The following COL11A1 variants were observed in gnomAD, a reference collection of about 807,000 sequenced individuals.
The protein encoded by COL11A1 is collagen type XI alpha 1 chain.
Under a neutral mutation model 265.2 loss-of-function variants are expected in COL11A1, and 74 were observed. The ratio of observed to expected loss-of-function variants is 0.28; its 90% confidence interval spans 0.23 to 0.34. The LOEUF (loss-of-function observed/expected upper bound fraction) is 0.34, where lower values mean the gene tolerates loss of function less well. Ranked by LOEUF, COL11A1 falls within the 10% of genes least tolerant of loss-of-function variation. COL11A1 has a pLI of 1.00. For synonymous variants in COL11A1, 816 were observed against 727.6 expected, an observed-to-expected ratio of 1.12 and a Z score of -1.96; for missense variants, 2,165 against 2,263.6, an observed-to-expected ratio of 0.96 and a Z score of 0.88.
chr1:102,926,846 T>G (rs1183278815), intron 46 of COL11A1, among the ~76,000 whole-genome samples: 1 of 152,172 alleles, frequency 6.6e-6, no homozygotes. Context: ...TTTTCAAATA[T>G]GTATGCTTCA....
intron 35 of COL11A1, 99 bp from the exon 36 acceptor site, chr1:102,974,982 A>G (rs1407201511): frequency 1.0e-5 from 9 of 861,018 alleles, no homozygotes; most frequent in Middle Eastern, 2.3e-4. Context: ...ACAATGTATC[A>G]TACAGCTTCT....
chr1:102,889,671 G>T, intron 58 of COL11A1, 109 bp from the exon 59 acceptor site: 1 of 807,972 alleles, frequency 1.2e-6, no homozygotes, highest in Non-Finnish European at 2.1e-6. Context: ...AATGAACAAT[G>T]CTGATAAAAC....
chr1:103,025,547 G>A lies in COL11A1; in HGVS notation c.964C>T (p.Pro322Ser), dbSNP rs1667444473. The change falls in exon 7 of 67, where the codon CCT becomes TCT. Residue 322 changes from proline to serine, a missense_variant. Coordinates refer to ENST00000370096, the MANE Select transcript of COL11A1 (RefSeq NM_001854.4). ...TCATTTGTCCCAGAAACATGCCTAGGAGCTTCTGTCTGGTAACTTTCCATT... is the reference window on the plus strand; with the variant it reads ...TCATTTGTCCCAGAAACATGCCTAGAAGCTTCTGTCTGGTAACTTTCCATT... Reference protein sequence around the residue: ...GTMESYQTEAPRHVSGTNEPN... With the variant: ...GTMESYQTEASRHVSGTNEPN... 5.0e-6 allele frequency: 8 copies of A among 1,613,262 alleles called. No homozygotes were observed. Among genetic ancestry groups the A allele is most frequent in the African/African-American group, 1.3e-5 (1 of 74,894 alleles).
chr1:103,063,341 C>T (rs527724694), intron 4 of COL11A1, among the ~76,000 whole-genome samples: 2 of 151,960 alleles, frequency 1.3e-5, no homozygotes, highest in Non-Finnish European at 2.9e-5. Flanking sequence ...ATAATGAATA[C>T]AACGTAGTAT....
At chr1:103,031,279 C>T (rs755359013) in intron 4 of COL11A1, 35 bp from the exon 5 acceptor site, 8 of 1,590,822 alleles carry the variant, frequency 5.0e-6, no homozygotes, top group East Asian at 2.3e-5. Context: ...CAAACAGACA[C>T]AGATTCAGTT....
rs371198891 is a variant in COL11A1 at position 103,049,021 on chromosome 1, AT to A, written c.652-17778del. ...GCTGAGGAGTGCTTTACTTCCAAATATGTGGTCAATTTTGGAATAGGTGTGG... is the reference window on the plus strand; with the variant it reads ...GCTGAGGAGTGCTTTACTTCCAAATAGTGGTCAATTTTGGAATAGGTGTGG... On this transcript the variant is annotated intron_variant, in intron 4 of 66. Transcript: ENST00000370096. Among the ~76,000 whole-genome samples the A allele has an allele frequency of 3.3e-4, 50 of 152,258 alleles. No homozygotes were observed. In the South Asian group the frequency reaches 0.01, roughly 31 times the overall value.
chr1:103,006,108 G>A lies in COL11A1; in HGVS notation c.1751C>T (p.Ala584Val). The A allele has an allele frequency of 5.0e-6, 8 of 1,613,570 alleles. No individual in the cohort carries two copies. The highest frequency in any genetic ancestry group is 1.1e-5 in the South Asian group (1 of 91,070). The change falls in exon 17 of 67, where the codon GCA becomes GTA. Residue 584 changes from alanine (A) to valine (V), a missense_variant. Physicochemically the swap from Ala to Val is moderately conservative, Grantham distance 64. Transcript: ENST00000370096. ...TCCTGGCATTCCTCTTCCTCCATCT[G>A]CACCTGGACGACCCTAATAATGCCA... ...GKPGKRGRPGADGGRGMPGEP... is the reference protein window; with the variant it reads ...GKPGKRGRPGVDGGRGMPGEP...
At position 103,004,483 on chromosome 1, in the gene COL11A1, T is replaced by A; in HGVS notation, c.1905A>T (p.Glu635Asp). Residue 635 changes from glutamate (E) to aspartate (D), a missense_variant, in exon 20 of 67, where the codon GAA becomes GAT. Coordinates refer to ENST00000370096, the MANE Select transcript of COL11A1 (RefSeq NM_001854.4). ...GACCTCTTGGTCCAATTTCTCCATC[T>A]TCTCCCTGTCATTGACAAAATGAAT... ...GPPGDDGMRG[E>D]DGEIGPRGLP... 1 of 1,611,970 alleles carries A rather than the reference T, an allele frequency of 6.2e-7. No homozygotes were observed. Among genetic ancestry groups the A allele is most frequent in the Non-Finnish European group, 8.5e-7 (1 of 1,178,674 alleles).
At chr1:103,056,138 T>C (rs187247748) in intron 4 of COL11A1, among the ~76,000 whole-genome samples, 15 of 152,166 alleles carry the variant, frequency 9.9e-5, no homozygotes, top group Admixed American at 9.8e-4. Context: ...AGAACAACTG[T>C]TGTCTGCCTA....
At chr1:102,916,616 T>C (rs1054838213) in intron 49 of COL11A1, among the ~76,000 whole-genome samples, 4 of 152,038 alleles carry the variant, frequency 2.6e-5, no homozygotes, top group Admixed American at 2.6e-4. Context: ...TCATATTACA[T>C]ACAAACATAA....
chr1:103,066,555 CAA>C (rs35403453), intron 4 of COL11A1, among the ~76,000 whole-genome samples: 37 of 106,118 alleles, frequency 3.5e-4, no homozygotes, highest in Non-Finnish European at 5.9e-4. Context: ...CCCTCAGCAC[CAA>C]AAAAAAAAAA....
At chr1:103,083,222 G>A (rs1167945833) in intron 1 of COL11A1, among the ~76,000 whole-genome samples, 3 of 118,692 alleles carry the variant, frequency 2.5e-5, no homozygotes, top group Non-Finnish European at 5.3e-5. Context: ...CAGAAGGGGT[G>A]TCTGTGTGTG....
intron 6 of COL11A1, chr1:103,025,892 A>AT: frequency 6.2e-7 from 1 of 1,612,620 alleles, no homozygotes; most frequent in Non-Finnish European, 8.5e-7. Flanking sequence ...AACTTTTTGG[A>AT]TTTTTCCTTT....
chr1:103,100,941 G>T (rs539282523), intron 1 of COL11A1, among the ~76,000 whole-genome samples: 16 of 151,978 alleles, frequency 1.1e-4, no homozygotes, highest in Non-Finnish European at 2.2e-4. Flanking sequence ...CTATGAAAGT[G>T]CATATGACAG....
intron 4 of COL11A1, among the ~76,000 whole-genome samples, chr1:103,063,375 T>A (rs961563905): frequency 2.6e-5 from 4 of 152,030 alleles, no homozygotes; most frequent in Admixed American, 2.6e-4. Context: ...GATAAGTAGA[T>A]CAATGGAATA....
chr1:102,894,781 C>CT (rs1185668461), intron 57 of COL11A1, among the ~76,000 whole-genome samples: 1 of 151,908 alleles, frequency 6.6e-6, no homozygotes, highest in Non-Finnish European at 1.5e-5. Flanking sequence ...TGCTATTTAT[C>CT]TTTTTTATTT....
chr1:102,890,386 A>C (rs1651593248), intron 58 of COL11A1, 65 bp downstream of exon 58: 49 of 1,385,204 alleles, frequency 3.5e-5, no homozygotes, highest in Non-Finnish European at 4.8e-5. Context: ...TTTAATCTGC[A>C]AAAGCAGGGC....
chr1:102,916,129 GA>G (rs1333108582), intron 49 of COL11A1, among the ~76,000 whole-genome samples: 1 of 152,038 alleles, frequency 6.6e-6, no homozygotes, highest in Non-Finnish European at 1.5e-5. Context: ...TACATATGTT[GA>G]TATTTTATAG....
At chr1:103,103,296 A>G (rs1674434545) in intron 1 of COL11A1, among the ~76,000 whole-genome samples, 2 of 152,050 alleles carry the variant, frequency 1.3e-5, no homozygotes, top group African/African-American at 4.8e-5. Context: ...ACCTGAAAAT[A>G]TCAGAAATTT....
Sources: gnomAD v4.1 joint callset for allele counts (sites outside exome capture counted in the v4.1 genomes callset) on GRCh38, gnomAD v4.1.1 for gene constraint, MANE v1.5 for transcripts, NCBI Gene and HGNC (gene_info 2026-07-23, HGNC 2026-07-21) for gene names.